The following STK33 variants were observed in gnomAD, a reference collection of about 807,000 sequenced individuals.
STK33 encodes the protein serine/threonine kinase 33, also known as serine/threonine-protein kinase 33.
A neutral mutation model predicts 58.0 loss-of-function variants in STK33; 52 were observed. That is an observed-to-expected ratio of 0.90 (90% CI 0.72 to 1.13). The LOEUF is 1.13. Among genes scored for constraint, STK33 ranks in the 50% most tolerant of loss-of-function variants. The pLI, the probability that STK33 is intolerant of heterozygous loss-of-function variation, is 0.00. For synonymous variants in STK33, 215 were observed against 200.1 expected (o/e 1.07, Z -0.63); for missense variants, 630 against 604.2 (o/e 1.04, Z -0.45).
chr11:8,366,638 T>C, the STK33 span, among the ~76,000 whole-genome samples: 2 of 152,278 alleles, frequency 1.3e-5, no homozygotes, highest in South Asian at 4.1e-4. Context: ...CTGACCACAG[T>C]CTGTGTGCAG....
chr11:8,578,171 A>C (rs12361165), intron 1 of STK33, among the ~76,000 whole-genome samples: 21,178 of 152,100 alleles, frequency 0.14, 1,865 homozygotes, highest in African/African-American at 0.26. Flanking sequence ...TTACTTATTT[A>C]TGATTTATCA....
At chr11:8,434,686 T>C (rs1163825220) in intron 14 of STK33, among the ~76,000 whole-genome samples, 2 of 152,142 alleles carry the variant, frequency 1.3e-5, no homozygotes, top group Non-Finnish European at 2.9e-5. Flanking sequence ...TAATCTAATA[T>C]GGCTACTCAA....
At position 8,489,982 on chromosome 11, in the gene STK33, T is replaced by C. The variant is rs373459742; in HGVS notation, c.-465-9368A>G. Reference sequence around the variant, plus strand: ...TGGCCGAATAGGAACAGCTCTGGTCTACAGCTCCCACTGTGATCAACGCAG... The same window carrying C: ...TGGCCGAATAGGAACAGCTCTGGTCCACAGCTCCCACTGTGATCAACGCAG... On this transcript the variant is annotated intron_variant, in intron 1 of 15. Coordinates refer to ENST00000687296, the MANE Select transcript of STK33 (RefSeq NM_001352389.2). Among the ~76,000 whole-genome samples the C allele has an allele frequency of 7.2e-5, 11 of 152,292 alleles. No individual in the cohort carries two copies. The East Asian group carries it at 7.7e-4, about 11-fold the overall frequency.
intron 7 of STK33, among the ~76,000 whole-genome samples, chr11:8,463,316 G>A (rs1184792118): frequency 6.6e-6 from 1 of 152,170 alleles, no homozygotes; most frequent in Non-Finnish European, 1.5e-5. Flanking sequence ...CTCATAAGGA[G>A]CATGCAGCAT....
intron 1 of STK33, among the ~76,000 whole-genome samples, chr11:8,514,348 G>A (rs1029515290): frequency 6.6e-6 from 1 of 152,032 alleles, no homozygotes; most frequent in Non-Finnish European, 1.5e-5. Context: ...TTAAACCTTT[G>A]TGGGTTAGCC....
chr11:8,387,861 G>A (rs1402234935), downstream of STK33, among the ~76,000 whole-genome samples: 1 of 150,560 alleles, frequency 6.6e-6, no homozygotes, highest in Non-Finnish European at 1.5e-5. Flanking sequence ...TTGCTCCTGG[G>A]GATGGAGACA....
chr11:8,518,099 G>C (rs188661850), intron 1 of STK33, among the ~76,000 whole-genome samples: 1 of 152,050 alleles, frequency 6.6e-6, no homozygotes, highest in Admixed American at 6.5e-5. Flanking sequence ...GAGAAAGGTC[G>C]GGTTACCCAC....
At chr11:8,547,993 C>A (rs1288952875) in intron 1 of STK33, among the ~76,000 whole-genome samples, 4 of 143,280 alleles carry the variant, frequency 2.8e-5, no homozygotes, top group African/African-American at 1.1e-4. Flanking sequence ...TGGGGAACAT[C>A]ACACACCGGG....
At chr11:8,456,294 C>T (rs1490501426) in intron 9 of STK33, among the ~76,000 whole-genome samples, 1 of 152,194 alleles carries the variant, frequency 6.6e-6, no homozygotes, top group Non-Finnish European at 1.5e-5. Flanking sequence ...ATTGCTCCTT[C>T]AGTGAATTCT....
At chr11:8,398,368 A>G (rs1173213208) in intron 15 of STK33, among the ~76,000 whole-genome samples, 1 of 152,226 alleles carries the variant, frequency 6.6e-6, no homozygotes, top group Non-Finnish European at 1.5e-5. Context: ...ACTAAGTTTC[A>G]TAAGTGAAAG....
chr11:8,570,279 G>C (rs1364551499), intron 1 of STK33, among the ~76,000 whole-genome samples: 2 of 152,184 alleles, frequency 1.3e-5, no homozygotes, highest in African/African-American at 4.8e-5. Flanking sequence ...ATTAGGGAAG[G>C]ATGTAAGGTT....
intron 1 of STK33, among the ~76,000 whole-genome samples, chr11:8,572,049 TAATTAATTTTAAAATTAAA>T (rs1957863934): frequency 2.7e-5 from 4 of 148,194 alleles, no homozygotes; most frequent in Admixed American, 2.0e-4. Flanking sequence ...ATTAATTAAT[TAATTAATTTTAAAATTAAA>T]AATTAATTTT....
At chr11:8,477,735 T>G (rs1263110129) in intron 2 of STK33, among the ~76,000 whole-genome samples, 1 of 152,210 alleles carries the variant, frequency 6.6e-6, no homozygotes, top group Non-Finnish European at 1.5e-5. Flanking sequence ...TTAATTTTCA[T>G]CAATTTTTCA....
chr11:8,495,282 C>T (rs1391919430), intron 1 of STK33, among the ~76,000 whole-genome samples: 1 of 152,024 alleles, frequency 6.6e-6, no homozygotes, highest in Non-Finnish European at 1.5e-5. Flanking sequence ...AAAAAGTGGG[C>T]AAAGGATATG....
chr11:8,454,120 C>T (rs991522189), intron 10 of STK33, among the ~76,000 whole-genome samples: 2 of 152,190 alleles, frequency 1.3e-5, no homozygotes, highest in African/African-American at 4.8e-5. Flanking sequence ...AAACCTATTT[C>T]TATTACATAG....
At chr11:8,419,600 T>G (rs996057190) in intron 14 of STK33, among the ~76,000 whole-genome samples, 6 of 152,212 alleles carry the variant, frequency 3.9e-5, no homozygotes, top group African/African-American at 1.4e-4. Flanking sequence ...TTAAAATAGA[T>G]TTTTCTAGTT....
intron 1 of STK33, among the ~76,000 whole-genome samples, chr11:8,581,782 C>T (rs553454201): frequency 1.6e-3 from 243 of 152,346 alleles, no homozygotes; most frequent in African/African-American, 5.2e-3. Flanking sequence ...TTTCACGGAA[C>T]GTGTATTTTT....
the STK33 span, among the ~76,000 whole-genome samples, chr11:8,381,248 A>G: frequency 5.9e-5 from 9 of 152,330 alleles, no homozygotes; most frequent in African/African-American, 1.7e-4. Flanking sequence ...CTTGTACCCC[A>G]CAAGCTATTA....
chr11:8,489,257 C>CAGAAAAAAAAAAAAGAAAAAAAAAA (rs1950403301), intron 1 of STK33, among the ~76,000 whole-genome samples: 1 of 64,364 alleles, frequency 1.6e-5, no homozygotes, highest in African/African-American at 7.2e-5. Context: ...AAGCTATCTC[C>CAGAAAAAAAAAAAAGAAAAAAAAAA]AAAAAAAAAA....
Sources: gnomAD v4.1 joint callset for allele counts (sites outside exome capture counted in the v4.1 genomes callset) on GRCh38, gnomAD v4.1.1 for gene constraint, MANE v1.5 for transcripts, NCBI Gene and HGNC (gene_info 2026-07-23, HGNC 2026-07-21) for gene names.